Variants in PIK3C2G observed in about 807,000 individuals in gnomAD.
The protein encoded by PIK3C2G is phosphatidylinositol 3-kinase C2 domain-containing subunit gamma.
In PIK3C2G, 168 loss-of-function variants were observed where a neutral mutation model predicts 181.1. The observed-to-expected ratio is 0.93, with a 90% CI of 0.82 to 1.05. PIK3C2G has a LOEUF of 1.05. Ranked by LOEUF, PIK3C2G falls within the 50% of genes least tolerant of loss-of-function variation. The probability of loss-of-function intolerance (pLI) is 0.00; values close to 1 mark genes in which losing one functional copy is unlikely to be tolerated. For missense variants in PIK3C2G, 1,869 were observed against 1,732.8 expected (o/e 1.08, Z -1.40); for synonymous variants, 573 against 592.2 (o/e 0.97, Z 0.47).
chr12:18,563,574 A>C, intron 28 of PIK3C2G, 76 bp downstream of exon 28: 1 of 1,403,054 alleles, frequency 7.1e-7, no homozygotes, highest in Admixed American at 1.8e-5. Flanking sequence ...TGGTTATGGG[A>C]TTTTCTATTT....
chr12:18,399,730 CT>C lies in PIK3C2G; in HGVS notation c.2201del (p.Leu734Ter), dbSNP rs1185154923. ...TGCAATAATGAAAACTGCTCCCTTC[CT>C]TTAGTCCTGGGTAGTGCCCCTGGAT... ...FYCNNENCSL[P>X]LVLGSAPGWD... On this transcript the variant is annotated frameshift_variant, in exon 16 of 33. Coordinates refer to ENST00000538779, the MANE Select transcript of PIK3C2G (RefSeq NM_001288772.2). LOFTEE classifies it high-confidence loss of function. 1.2e-6 allele frequency: 2 copies of C among 1,604,436 alleles called. No homozygotes were observed. The highest frequency in any genetic ancestry group is 2.2e-5 in the East Asian group (1 of 44,780).
chr12:18,244,148 T>A (rs1373019570), upstream of PIK3C2G, among the ~76,000 whole-genome samples: 3 of 151,950 alleles, frequency 2.0e-5, no homozygotes, highest in Non-Finnish European at 2.9e-5. Context: ...TCAAGCAAAA[T>A]AATTTTATTC....
At chr12:18,433,576 T>C (rs908974874) in intron 18 of PIK3C2G, among the ~76,000 whole-genome samples, 1 of 152,204 alleles carries the variant, frequency 6.6e-6, no homozygotes, top group Non-Finnish European at 1.5e-5. Flanking sequence ...CTTTTAGTTT[T>C]ACTATTAAAC....
At chr12:18,594,601 T>G (rs761784135) in intron 30 of PIK3C2G, 32 bp downstream of exon 30, 1 of 1,089,212 alleles carries the variant, frequency 9.2e-7, no homozygotes, top group Non-Finnish European at 1.3e-6. Flanking sequence ...TTACGTACAG[T>G]GATTTTCAAA....
At chr12:18,354,972 G>T (rs937483895) in intron 11 of PIK3C2G, among the ~76,000 whole-genome samples, 8 of 152,340 alleles carry the variant, frequency 5.3e-5, no homozygotes, top group African/African-American at 1.9e-4. Context: ...GAAGCAGGGA[G>T]GTCTTAGAGA....
At chr12:18,351,894 G>T (rs1053500045) in intron 11 of PIK3C2G, among the ~76,000 whole-genome samples, 2 of 152,144 alleles carry the variant, frequency 1.3e-5, no homozygotes, top group Admixed American at 1.3e-4. Context: ...TACTGTACAG[G>T]TTTGTAGCCT....
At chr12:18,527,515 A>G (rs1592496947) in intron 24 of PIK3C2G, among the ~76,000 whole-genome samples, 1 of 152,140 alleles carries the variant, frequency 6.6e-6, no homozygotes, top group East Asian at 1.9e-4. Flanking sequence ...TTTAGAAACT[A>G]ATGTGTATTT....
At chr12:18,550,519 A>G (rs1944671221) in intron 26 of PIK3C2G, among the ~76,000 whole-genome samples, 1 of 151,804 alleles carries the variant, frequency 6.6e-6, no homozygotes, top group African/African-American at 2.4e-5. Flanking sequence ...GTTGCACATA[A>G]TTCACCAAAA....
chr12:18,384,641 T>C (rs1219680968), intron 14 of PIK3C2G, among the ~76,000 whole-genome samples: 4 of 152,186 alleles, frequency 2.6e-5, no homozygotes, highest in African/African-American at 4.8e-5. Context: ...CCTTGATTCT[T>C]CTCAGATGAG....
intron 1 of PIK3C2G, among the ~76,000 whole-genome samples, chr12:18,276,680 T>C (rs772938295): frequency 2.2e-4 from 33 of 152,326 alleles, no homozygotes; most frequent in Admixed American, 3.3e-4. Flanking sequence ...TTTTTGTCTA[T>C]GACCTACTTG....
intron 20 of PIK3C2G, 119 bp downstream of exon 20, chr12:18,491,677 A>G: frequency 1.7e-6 from 1 of 587,206 alleles, no homozygotes; most frequent in Non-Finnish European, 3.0e-6. Flanking sequence ...ATTTTAACGA[A>G]AAAGTAACTG....
chr12:18,562,761 C>T lies in PIK3C2G; in HGVS notation c.3649C>T (p.Leu1217Phe). 1 of 1,607,596 alleles carries T rather than the reference C, an allele frequency of 6.2e-7. No homozygotes were observed. Among genetic ancestry groups the T allele is most frequent in the African/African-American group, 1.3e-5 (1 of 74,988 alleles). The change falls in exon 27 of 33, where the codon CTT becomes TTT. Residue 1217 changes from leucine to phenylalanine, a missense_variant. Physicochemically the swap from Leu to Phe is conservative, Grantham distance 22. Coordinates refer to ENST00000538779, the MANE Select transcript of PIK3C2G (RefSeq NM_001288772.2). Reference protein sequence around the residue: ...PVKLNNLIHTLAQMSAISPAK... With the variant: ...PVKLNNLIHTFAQMSAISPAK... ...TAAATTGAATAACTTGATCCACACA[C>T]TTGCACAAATGTCAGCCATAAGCCC...
intron 1 of PIK3C2G, among the ~76,000 whole-genome samples, chr12:18,278,722 T>C (rs1222836091): frequency 1.3e-5 from 2 of 152,164 alleles, no homozygotes; most frequent in African/African-American, 2.4e-5. Flanking sequence ...AATTATTTTA[T>C]ACATTACTTC....
chr12:18,361,532 T>TG (rs1941235616), intron 11 of PIK3C2G, among the ~76,000 whole-genome samples: 1 of 141,946 alleles, frequency 7.0e-6, no homozygotes, highest in Non-Finnish European at 1.5e-5. Flanking sequence ...GGCTTCCCAC[T>TG]GAAAAAAAAA....
chr12:18,294,033 T>A lies in PIK3C2G; in HGVS notation c.1034+18T>A. ...TTACAAAAGTAAGTATTTTATGAAA[T>A]TTTGGTTGTATTATAATCTGTAAAT... is the stretch of plus-strand genomic sequence containing the variant. On this transcript the variant is annotated intron_variant, in intron 5 of 32. Transcript: ENST00000538779. The A allele has an allele frequency of 8.3e-7, 1 of 1,207,444 alleles. No homozygotes were observed. The highest frequency in any genetic ancestry group is 1.2e-6 in the Non-Finnish European group (1 of 819,238). 74.8% of individuals were successfully genotyped at this position (1,207,444 alleles called of 1,614,324 possible). A position where few individuals can be genotyped will look rare whatever the true frequency, so the allele number is the denominator to read the frequency against.
chr12:18,617,252 C>T (rs1948645781), intron 31 of PIK3C2G, among the ~76,000 whole-genome samples: 1 of 152,068 alleles, frequency 6.6e-6, no homozygotes, highest in African/African-American at 2.4e-5. Context: ...AAAGTGTCAC[C>T]TATCATTCAA....
At chr12:18,475,670 G>A (rs1447438304) in intron 18 of PIK3C2G, among the ~76,000 whole-genome samples, 2 of 151,934 alleles carry the variant, frequency 1.3e-5, no homozygotes, top group Non-Finnish European at 2.9e-5. Flanking sequence ...TTCTCTTGGA[G>A]TCTTTCAAAA....
intron 27 of PIK3C2G, 58 bp from the exon 28 acceptor site, chr12:18,563,319 G>A (rs1020974578): frequency 1.3e-6 from 2 of 1,515,250 alleles, no homozygotes; most frequent in Non-Finnish European, 1.8e-6. Context: ...TCGGGTTTTA[G>A]AGTGTATCAC....
chr12:18,495,652 T>A (rs1940944304), intron 20 of PIK3C2G, among the ~76,000 whole-genome samples: 1 of 152,134 alleles, frequency 6.6e-6, no homozygotes, highest in East Asian at 1.9e-4. Flanking sequence ...TATTTTTCCT[T>A]AAAGTATTCT....
Sources: gnomAD v4.1 joint callset for allele counts (sites outside exome capture counted in the v4.1 genomes callset) on GRCh38, gnomAD v4.1.1 for gene constraint, MANE v1.5 for transcripts, NCBI Gene and HGNC (gene_info 2026-07-23, HGNC 2026-07-21) for gene names.